RAP1A: variants seen among roughly 807,000 people sequenced by gnomAD.
RAP1A encodes the protein ras-related protein Rap-1A.
In RAP1A, 6 loss-of-function variants were observed where a neutral mutation model predicts 26.4. The observed-to-expected ratio is 0.23, with a 90% CI of 0.12 to 0.45. RAP1A has a LOEUF of 0.45. RAP1A is among the 20% of genes least tolerant of loss of function. RAP1A has a pLI of 0.99. For missense variants in RAP1A, 121 were observed against 217.2 expected (o/e 0.56, Z 2.78); for synonymous variants, 73 against 79.4 (o/e 0.92, Z 0.43).
At chr1:111,669,227 G>A (rs1053225144) in intron 1 of RAP1A, among the ~76,000 whole-genome samples, 7 of 152,128 alleles carry the variant, frequency 4.6e-5, no homozygotes, top group African/African-American at 1.7e-4. Flanking sequence ...TAAATTGCTA[G>A]TTTTCCCTGA....
intron 1 of RAP1A, among the ~76,000 whole-genome samples, chr1:111,671,626 C>T (rs1429621393): frequency 6.6e-6 from 1 of 152,206 alleles, no homozygotes; most frequent in Non-Finnish European, 1.5e-5. Flanking sequence ...AGGCACATGC[C>T]ACCACACGTG....
intron 2 of RAP1A, among the ~76,000 whole-genome samples, chr1:111,693,688 T>G (rs1191398325): frequency 2.0e-5 from 3 of 152,204 alleles, no homozygotes; most frequent in Non-Finnish European, 2.9e-5. Context: ...TTTTGCCTGC[T>G]TCTGTATCCA....
At chr1:111,653,277 C>G (rs1485170117) in intron 1 of RAP1A, among the ~76,000 whole-genome samples, 1 of 151,954 alleles carries the variant, frequency 6.6e-6, no homozygotes, top group Non-Finnish European at 1.5e-5. Flanking sequence ...AGTAACTGTT[C>G]ATGGATATGT....
At chr1:111,567,827 C>T (rs1466890162) in intron 1 of RAP1A, among the ~76,000 whole-genome samples, 1 of 152,204 alleles carries the variant, frequency 6.6e-6, no homozygotes, top group African/African-American at 2.4e-5. Context: ...GAGTCCTCAC[C>T]AGAAACCAAA....
chr1:111,632,835 C>A (rs919881654), intron 1 of RAP1A, among the ~76,000 whole-genome samples: 4 of 150,974 alleles, frequency 2.6e-5, no homozygotes, highest in Admixed American at 6.6e-5. Flanking sequence ...GCAGGAGAAT[C>A]CCTTGAACCT....
At chr1:111,660,880 G>A (rs1029187459) in intron 1 of RAP1A, among the ~76,000 whole-genome samples, 2 of 152,162 alleles carry the variant, frequency 1.3e-5, no homozygotes, top group African/African-American at 4.8e-5. Flanking sequence ...AGGCTTTTCT[G>A]CTTCCCTCAG....
chr1:111,584,677 G>A (rs10494137), intron 1 of RAP1A, among the ~76,000 whole-genome samples: 10,561 of 152,216 alleles, frequency 0.069, 413 homozygotes, highest in South Asian at 0.13. Context: ...CTCTCGCATA[G>A]TGTTGTTTAC....
intron 1 of RAP1A, among the ~76,000 whole-genome samples, chr1:111,602,814 A>G (rs1415976042): frequency 6.6e-6 from 1 of 152,202 alleles, no homozygotes; most frequent in East Asian, 1.9e-4. Context: ...CCCAGTATCT[A>G]CACGTTATGC....
At chr1:111,606,350 T>G (rs773522597) in intron 1 of RAP1A, among the ~76,000 whole-genome samples, 1 of 151,714 alleles carries the variant, frequency 6.6e-6, no homozygotes, top group Non-Finnish European at 1.5e-5. Context: ...AAAAAAAAAA[T>G]GCCTTCATTC....
upstream of RAP1A, among the ~76,000 whole-genome samples, chr1:111,616,339 C>T (rs527902339): frequency 3.3e-5 from 5 of 152,320 alleles, no homozygotes; most frequent in East Asian, 9.6e-4. Flanking sequence ...CAATCCAGTT[C>T]CTCAACCTCT....
chr1:111,704,329 T>C lies in RAP1A; in HGVS notation c.325-14T>C, dbSNP rs1208991357. 3 of 1,612,228 alleles carry C rather than the reference T, an allele frequency of 1.9e-6. No individual in the cohort carries two copies. Among genetic ancestry groups the C allele is most frequent in the Admixed American group, 1.7e-5 (1 of 59,632 alleles). On this transcript the variant is annotated splice_polypyrimidine_tract_variant and intron_variant, in intron 5 of 7. Transcript: ENST00000369709. ...GTATGTTATTGTTCATTTTACGTTTTTTTCTTCCCACAGGTTCCAATGATT... is the reference window on the plus strand; with the variant it reads ...GTATGTTATTGTTCATTTTACGTTTCTTTCTTCCCACAGGTTCCAATGATT...
chr1:111,614,982 T>G (rs1159302665), upstream of RAP1A, among the ~76,000 whole-genome samples: 3 of 151,792 alleles, frequency 2.0e-5, no homozygotes, highest in Non-Finnish European at 4.4e-5. Flanking sequence ...CACTTAGGAG[T>G]TGCAATATGA....
chr1:111,603,522 TC>T (rs2101073832), intron 1 of RAP1A, among the ~76,000 whole-genome samples: 1 of 152,346 alleles, frequency 6.6e-6, no homozygotes, highest in South Asian at 2.1e-4. Context: ...CACTGAAGAT[TC>T]AACAGAATGT....
intron 3 of RAP1A, among the ~76,000 whole-genome samples, chr1:111,696,653 A>G (rs903243270): frequency 3.3e-5 from 5 of 152,218 alleles, no homozygotes; most frequent in African/African-American, 1.2e-4. Flanking sequence ...GTAAGTTGCT[A>G]GTTAAAGCTT....
intron 1 of RAP1A, among the ~76,000 whole-genome samples, chr1:111,588,097 C>T (rs1393343275): frequency 1.3e-5 from 2 of 152,290 alleles, no homozygotes; most frequent in East Asian, 3.9e-4. Flanking sequence ...TCATCATCTT[C>T]CCCCATAAGC....
upstream of RAP1A, among the ~76,000 whole-genome samples, chr1:111,617,815 G>C (rs964204893): frequency 2.0e-5 from 3 of 151,476 alleles, no homozygotes; most frequent in African/African-American, 7.3e-5. Flanking sequence ...AGGCCGAGGC[G>C]GGTGGATCAC....
At chr1:111,631,044 G>A (rs1420666446) in intron 1 of RAP1A, among the ~76,000 whole-genome samples, 2 of 152,128 alleles carry the variant, frequency 1.3e-5, no homozygotes, top group Non-Finnish European at 2.9e-5. Context: ...AAAGTCAAAT[G>A]AAAATTGTGC....
intron 1 of RAP1A, among the ~76,000 whole-genome samples, chr1:111,630,603 G>A (rs1659540601): frequency 6.6e-6 from 1 of 152,180 alleles, no homozygotes; most frequent in African/African-American, 2.4e-5. Context: ...GTTTTAAATT[G>A]AGTGTTGTGG....
chr1:111,543,744 A>G lies in RAP1A; in HGVS notation c.-28+1235A>G, dbSNP rs977165452. Among the ~76,000 whole-genome samples, 3 of 152,106 alleles carry G rather than the reference A, an allele frequency of 2.0e-5. 1 individual carries two copies. The highest frequency in any genetic ancestry group is 6.8e-3 in the Middle Eastern group (2 of 294). Reference sequence around the variant, plus strand: ...GAAAGAGGAGGAGGAAGAGGAGGGAAGAAGCCCTACTGCAGATTGGACAGC... The same window carrying G: ...GAAAGAGGAGGAGGAAGAGGAGGGAGGAAGCCCTACTGCAGATTGGACAGC... On this transcript the variant is annotated intron_variant, in intron 1 of 7. Coordinates refer to the RAP1A transcript ENST00000356415.
Sources: allele counts gnomAD v4.1 joint callset (sites outside exome capture counted in the v4.1 genomes callset), GRCh38; gene constraint gnomAD v4.1.1; transcripts MANE v1.5; gene names NCBI Gene and HGNC (gene_info 2026-07-23, HGNC 2026-07-21).